Variants in LINGO2 observed in about 807,000 individuals in gnomAD.
LINGO2 encodes the protein leucine-rich repeat and immunoglobulin-like domain-containing nogo receptor-interacting protein 2.
LINGO2 carries 14 observed loss-of-function variants against 30.6 expected under a neutral mutation model. The observed-to-expected ratio is 0.46, with a 90% CI of 0.30 to 0.72. The LOEUF is 0.72. LINGO2 is among the 30% of genes least tolerant of loss of function. LINGO2 has a pLI of 0.07. For missense variants in LINGO2, 729 were observed against 751.7 expected (o/e 0.97, Z 0.35); for synonymous variants, 317 against 288.5 (o/e 1.10, Z -1.00).
At chr9:28,491,334 C>G (rs959736436) in intron 1 of LINGO2, among the ~76,000 whole-genome samples, 2 of 152,174 alleles carry the variant, frequency 1.3e-5, no homozygotes, top group Non-Finnish European at 2.9e-5. Flanking sequence ...TGTCTGTGAT[C>G]ACATTGCCTT....
At chr9:29,188,684 C>A in the LINGO2 span, among the ~76,000 whole-genome samples, 72 of 137,540 alleles carry the variant, frequency 5.2e-4, 2 homozygotes, top group African/African-American at 1.8e-3. Flanking sequence ...CCGGATGGGG[C>A]GGCTGGCCAG....
intron 2 of LINGO2, among the ~76,000 whole-genome samples, chr9:28,408,562 T>C (rs1007346416): frequency 1.4e-5 from 2 of 145,976 alleles, no homozygotes; most frequent in African/African-American, 5.1e-5. Context: ...TAGGTGGGAA[T>C]TGAACAATGA....
At chr9:28,596,907 G>C (rs898474403) in intron 1 of LINGO2, among the ~76,000 whole-genome samples, 2 of 152,102 alleles carry the variant, frequency 1.3e-5, no homozygotes. Context: ...CGGTAAACAA[G>C]CCAGGCTCCA....
chr9:28,806,022 A>T, the LINGO2 span, among the ~76,000 whole-genome samples: 1 of 152,210 alleles, frequency 6.6e-6, no homozygotes, highest in African/African-American at 2.4e-5. Flanking sequence ...CAGAATGTGT[A>T]TGAAAATGTA....
intron 1 of LINGO2, among the ~76,000 whole-genome samples, chr9:28,486,234 C>T (rs1237261418): frequency 6.6e-6 from 1 of 151,982 alleles, no homozygotes; most frequent in Non-Finnish European, 1.5e-5. Context: ...TGTTGTTTGG[C>T]CTAATTATTT....
chr9:28,079,846 C>T (rs565253289), intron 4 of LINGO2, among the ~76,000 whole-genome samples: 22 of 152,314 alleles, frequency 1.4e-4, no homozygotes, highest in African/African-American at 5.3e-4. Flanking sequence ...TCAAATATAA[C>T]ATAACTCCAA....
intron 1 of LINGO2, among the ~76,000 whole-genome samples, chr9:28,506,469 C>G (rs1371956875): frequency 6.0e-4 from 13 of 21,750 alleles, no homozygotes; most frequent in South Asian, 2.1e-3. Context: ...CACATACACA[C>G]ACACACACAC....
chr9:28,233,161 CTG>C (rs1009175861), intron 4 of LINGO2, among the ~76,000 whole-genome samples: 2 of 147,362 alleles, frequency 1.4e-5, no homozygotes, highest in African/African-American at 2.5e-5. Flanking sequence ...GTGTGCGTAT[CTG>C]TGTGTGTGTC....
chr9:28,166,518 T>G (rs1187773202), intron 4 of LINGO2, among the ~76,000 whole-genome samples: 3 of 152,140 alleles, frequency 2.0e-5, no homozygotes, highest in Non-Finnish European at 4.4e-5. Context: ...TTTATGGTAT[T>G]TATGTTGGAC....
At chr9:28,009,918 G>A (rs1202387080) in intron 5 of LINGO2, among the ~76,000 whole-genome samples, 1 of 152,184 alleles carries the variant, frequency 6.6e-6, no homozygotes, top group Non-Finnish European at 1.5e-5. Flanking sequence ...AAACTTGCAT[G>A]TGAACATTCA....
intron 1 of LINGO2, among the ~76,000 whole-genome samples, chr9:28,582,164 G>A (rs1367407019): frequency 1.3e-5 from 2 of 151,960 alleles, no homozygotes; most frequent in Non-Finnish European, 2.9e-5. Context: ...TGACTTTGAT[G>A]AAAACACAAG....
chr9:29,179,086 AG>A, the LINGO2 span, among the ~76,000 whole-genome samples: 1 of 150,118 alleles, frequency 6.7e-6, no homozygotes, highest in Non-Finnish European at 1.5e-5. Context: ...CTTAGGGCCA[AG>A]AGACCTTGTT....
At chr9:28,400,866 A>C (rs879267464) in intron 2 of LINGO2, among the ~76,000 whole-genome samples, 4 of 152,198 alleles carry the variant, frequency 2.6e-5, no homozygotes, top group Non-Finnish European at 5.9e-5. Context: ...GGGTGTTTGA[A>C]TGTTACACAG....
chr9:28,607,792 G>A (rs1426693191), intron 1 of LINGO2, among the ~76,000 whole-genome samples: 2 of 151,964 alleles, frequency 1.3e-5, no homozygotes, highest in Non-Finnish European at 2.9e-5. Flanking sequence ...ATCACTATGG[G>A]TGGGTAGAGG....
the LINGO2 span, among the ~76,000 whole-genome samples, chr9:28,767,844 T>A: frequency 6.6e-6 from 1 of 151,974 alleles, no homozygotes; most frequent in Non-Finnish European, 1.5e-5. Context: ...GCTATCATTT[T>A]CTCCTCCATC....
chr9:28,159,868 A>G (rs1273610214), intron 4 of LINGO2, among the ~76,000 whole-genome samples: 3 of 152,144 alleles, frequency 2.0e-5, no homozygotes, highest in African/African-American at 4.8e-5. Context: ...AAGGCAACCT[A>G]TTACCCACAG....
the LINGO2 span, among the ~76,000 whole-genome samples, chr9:29,124,289 A>G: frequency 6.6e-6 from 1 of 152,058 alleles, no homozygotes; most frequent in Non-Finnish European, 1.5e-5. Context: ...TTAAACATAA[A>G]ATCTAAAACT....
At chr9:28,446,739 C>A (rs1824438948) in intron 2 of LINGO2, among the ~76,000 whole-genome samples, 1 of 152,180 alleles carries the variant, frequency 6.6e-6, no homozygotes, top group Admixed American at 6.5e-5. Context: ...CCAGAATGAT[C>A]TTTTTACAGT....
intron 1 of LINGO2, among the ~76,000 whole-genome samples, chr9:28,558,165 A>C (rs960291101): frequency 8.9e-5 from 13 of 146,120 alleles, no homozygotes; most frequent in African/African-American, 3.4e-4. Flanking sequence ...AAATAGAATA[A>C]AACCAAAAAA....
Sources: allele counts gnomAD v4.1 joint callset (sites outside exome capture counted in the v4.1 genomes callset), GRCh38; gene constraint gnomAD v4.1.1; transcripts MANE v1.5; gene names NCBI Gene and HGNC (gene_info 2026-07-23, HGNC 2026-07-21).